SYN2: variants seen among roughly 807,000 people sequenced by gnomAD.
The protein encoded by SYN2 is synapsin II.
Under a neutral mutation model 50.9 loss-of-function variants are expected in SYN2, and 19 were observed. The ratio of observed to expected loss-of-function variants is 0.37; its 90% CI spans 0.26 to 0.55. SYN2 has a LOEUF of 0.55. Among genes scored for constraint, SYN2 ranks in the 20% least tolerant of loss-of-function variants. SYN2 has a pLI of 0.81. For synonymous variants in SYN2, 255 were observed against 224.9 expected, an observed-to-expected ratio of 1.13 and a Z score of -1.20; for missense variants, 587 against 576.4, an observed-to-expected ratio of 1.02 and a Z score of -0.19.
intron 1 of SYN2, among the ~76,000 whole-genome samples, chr3:12,027,720 A>G (rs1334509562): frequency 6.6e-6 from 1 of 152,180 alleles, no homozygotes; most frequent in African/African-American, 2.4e-5. Context: ...TACAGTTAGA[A>G]AGTGGTGAAT....
At chr3:12,178,060 G>A (rs182392681) in intron 10 of SYN2, among the ~76,000 whole-genome samples, 1 of 152,294 alleles carries the variant, frequency 6.6e-6, no homozygotes, top group East Asian at 1.9e-4. Context: ...AAAACATGCG[G>A]TCCCCTTTGC....
intron 10 of SYN2, among the ~76,000 whole-genome samples, chr3:12,181,893 C>A (rs1281550367): frequency 1.3e-5 from 2 of 152,096 alleles, no homozygotes; most frequent in Admixed American, 1.3e-4. Context: ...ATTGCAGTGT[C>A]AGGCTCAGAC....
rs111690490 is a variant in SYN2, at chr3:12,119,805, C to T, written c.378-20846C>T. ...CTTTCCCAGGTTCGTTTCCTCCTCT[C>T]TCCTTCATACCTGCCTTTGCTGTCT... is the stretch of plus-strand genomic sequence containing the variant. On this transcript the variant is annotated intron_variant, in intron 1 of 12. Coordinates refer to ENST00000621198, the MANE Select transcript of SYN2 (RefSeq NM_133625.6). Among the ~76,000 whole-genome samples the T allele has an allele frequency of 7.4e-3, 1,134 of 152,248 alleles. 27 individuals are homozygous for T. Among genetic ancestry groups the T allele is most frequent in the South Asian group, 4.8e-3 (23 of 4,830 alleles).
chr3:12,188,041 A>T (rs185165668), intron 12 of SYN2, among the ~76,000 whole-genome samples: 1 of 133,676 alleles, frequency 7.5e-6, no homozygotes, highest in South Asian at 2.4e-4. Context: ...AAAAATTTTT[A>T]ATCTTTCTGC....
At chr3:12,175,543 G>T (rs1301285678) in intron 10 of SYN2, among the ~76,000 whole-genome samples, 1 of 152,226 alleles carries the variant, frequency 6.6e-6, no homozygotes, top group Non-Finnish European at 1.5e-5. Context: ...AGCCCTAGGA[G>T]CTGCTCCTGC....
intron 1 of SYN2, among the ~76,000 whole-genome samples, chr3:12,019,735 T>C (rs562670630): frequency 9.2e-5 from 14 of 152,362 alleles, no homozygotes; most frequent in African/African-American, 3.4e-4. Context: ...TTGACTTGTA[T>C]GTACCATTGC....
chr3:12,019,906 T>G (rs1364081383), intron 1 of SYN2, among the ~76,000 whole-genome samples: 1 of 152,222 alleles, frequency 6.6e-6, no homozygotes, highest in Admixed American at 6.5e-5. Context: ...CCTTTCTCTG[T>G]GCGGCTAAGC....
intron 1 of SYN2, among the ~76,000 whole-genome samples, chr3:12,131,769 A>G (rs1002085272): frequency 6.6e-6 from 1 of 152,260 alleles, no homozygotes; most frequent in Non-Finnish European, 1.5e-5. Context: ...GCTGTTCCCA[A>G]CTGAAATCAC....
chr3:12,147,784 C>CT lies in SYN2; in HGVS notation c.684+1950dup, dbSNP rs1697186467. On this transcript the variant is annotated intron_variant, in intron 4 of 12. Transcript: ENST00000621198. ...TAGCACCTGCCACCACTTTGACAGC[C>CT]TGGTTGTTACAGGCTCCTAGTGTAT... 2.6e-5 allele frequency among the ~76,000 whole-genome samples: 4 copies of CT among 152,242 alleles called. No individual in the cohort carries two copies. The South Asian group carries it at 8.3e-4, about 32-fold the overall frequency.
chr3:12,090,294 G>A (rs1313031805), intron 1 of SYN2, among the ~76,000 whole-genome samples: 2 of 152,158 alleles, frequency 1.3e-5, no homozygotes, highest in Non-Finnish European at 2.9e-5. Context: ...AAATGACTAT[G>A]AGGAAACTCT....
intron 1 of SYN2, among the ~76,000 whole-genome samples, chr3:12,077,357 T>C (rs1410284457): frequency 6.6e-6 from 1 of 152,128 alleles, no homozygotes; most frequent in Non-Finnish European, 1.5e-5. Context: ...GTGCAGGATG[T>C]GCAGGTTTGT....
At chr3:12,132,025 C>CTTTTTTTTCT (rs1252731006) in intron 1 of SYN2, among the ~76,000 whole-genome samples, 7 of 140,650 alleles carry the variant, frequency 5.0e-5, no homozygotes, top group Non-Finnish European at 1.1e-4. Context: ...TTTTCTTTTT[C>CTTTTTTTTCT]TTTTTTTTCT....
At chr3:12,156,985 A>G (rs10433537) in intron 5 of SYN2, 14 of 1,321,718 alleles carry the variant, frequency 1.1e-5, no homozygotes, top group Admixed American at 3.8e-5. Flanking sequence ...AGTGTACTGT[A>G]TATATTAACA....
chr3:12,159,054 C>CAGAG, intron 5 of SYN2: 1 of 599,240 alleles, frequency 1.7e-6, no homozygotes, highest in South Asian at 2.8e-5. Flanking sequence ...CAGTAAGATG[C>CAGAG]AGAGGGAAGC....
At chr3:12,151,114 C>G in intron 4 of SYN2, 123 bp from the exon 5 acceptor site, 1 of 672,928 alleles carries the variant, frequency 1.5e-6, no homozygotes, top group East Asian at 2.7e-5. Flanking sequence ...CTTTTATATC[C>G]TCACAATGCT....
At chr3:12,014,255 T>C (rs1693974722) in intron 1 of SYN2, among the ~76,000 whole-genome samples, 1 of 152,156 alleles carries the variant, frequency 6.6e-6, no homozygotes, top group Admixed American at 6.5e-5. Context: ...AGTAAATCTT[T>C]GCCATATTGA....
At chr3:12,083,165 C>G (rs1318686158) in intron 1 of SYN2, among the ~76,000 whole-genome samples, 1 of 152,144 alleles carries the variant, frequency 6.6e-6, no homozygotes. Flanking sequence ...GTGCATACCA[C>G]CACACCTGGC....
At chr3:12,089,542 G>A (rs141972911) in intron 1 of SYN2, among the ~76,000 whole-genome samples, 126 of 152,340 alleles carry the variant, frequency 8.3e-4, no homozygotes, top group South Asian at 2.7e-3. Flanking sequence ...GGGTACAGCA[G>A]CATGTGCCTG....
chr3:12,127,608 C>T (rs1448217070), intron 1 of SYN2, among the ~76,000 whole-genome samples: 1 of 152,226 alleles, frequency 6.6e-6, no homozygotes, highest in Middle Eastern at 3.2e-3. Context: ...AATATCCCCA[C>T]TGAACTGGCA....
Sources: gnomAD v4.1 joint callset for allele counts (sites outside exome capture counted in the v4.1 genomes callset) on GRCh38, gnomAD v4.1.1 for gene constraint, MANE v1.5 for transcripts, NCBI Gene and HGNC (gene_info 2026-07-23, HGNC 2026-07-21) for gene names.